Variants in CA7 observed in about 807,000 individuals in gnomAD.
CA7 encodes the protein carbonic anhydrase 7.
Under a neutral mutation model 31.4 loss-of-function variants are expected in CA7, and 13 were observed. The observed-to-expected ratio is 0.41, with a 90% confidence interval of 0.27 to 0.66. The LOEUF is 0.66. CA7 is among the 30% of genes least tolerant of loss of function. CA7 has a pLI of 0.28. For missense variants in CA7, 215 were observed against 351.0 expected (o/e 0.61, Z 3.10); for synonymous variants, 128 against 133.2 (o/e 0.96, Z 0.27).
intron 3 of CA7, 88 bp from the exon 4 acceptor site, chr16:66,851,375 A>G (rs1395927108): frequency 7.5e-6 from 8 of 1,073,572 alleles, no homozygotes; most frequent in Non-Finnish European, 1.2e-5. Flanking sequence ...CAAAGAGGCC[A>G]GGGGTCTGGT....
At position 66,853,842 on chromosome 16, in the gene CA7, C is replaced by T; in HGVS notation, c.*344C>T. On this transcript the variant is annotated 3_prime_UTR_variant, in exon 7 of 7. Transcript: ENST00000338437. This position sits in a 1 kb window ranked among gnomAD's most constrained non-coding sequence, Gnocchi z 4.5. ...ACACTGTGATGGAGGAGACTGAGCTCCCTGGGGCGGGCAGCTGACACTACC... is the reference window on the plus strand; with the variant it reads ...ACACTGTGATGGAGGAGACTGAGCTTCCTGGGGCGGGCAGCTGACACTACC... 1 of 254,036 alleles carries T rather than the reference C, an allele frequency of 3.9e-6. No homozygotes were observed. Among genetic ancestry groups the T allele is most frequent in the Non-Finnish European group, 7.7e-6 (1 of 130,572 alleles). The allele number at this position is 254,036 out of a possible 1,614,324, so 15.7% of individuals were successfully genotyped here.
At chr16:66,847,845 T>C (rs1960960705) in intron 2 of CA7, among the ~76,000 whole-genome samples, 1 of 152,194 alleles carries the variant, frequency 6.6e-6, no homozygotes, top group Admixed American at 6.5e-5. Flanking sequence ...TGGGAATTCG[T>C]GGCAGCTCCT....
chr16:66,853,591 G>A lies in CA7; in HGVS notation c.*93G>A. The A allele has an allele frequency of 6.6e-7, 1 of 1,521,874 alleles. No individual in the cohort carries two copies. Among genetic ancestry groups the A allele is most frequent in the Non-Finnish European group, 8.9e-7 (1 of 1,123,772 alleles). The allele number at this position is 1,521,874 out of a possible 1,614,324, so 94.3% of individuals were successfully genotyped here. A position where few individuals can be genotyped will look rare whatever the true frequency, so the allele number is the denominator to read the frequency against. ...AAACCATCTGAGGCTTCCTCCCTGG[G>A]GGGTGCTGGGGACCCTCCTTCAGCC... On this transcript the variant is annotated 3_prime_UTR_variant, in exon 7 of 7. Transcript: ENST00000338437. The surrounding 1 kb of genome is among the most constrained non-coding windows in gnomAD (Gnocchi z 4.5).
chr16:66,845,239 G>C (rs1416589810), intron 1 of CA7: 1 of 985,396 alleles, frequency 1.0e-6, no homozygotes, highest in Non-Finnish European at 1.2e-6. Context: ...CAGAAGGTGA[G>C]AGCCAGACGG....
rs376713850 is a variant in CA7, at chr16:66,850,656, C to T, written c.354C>T (p.Ser118=). Residue 118 remains serine (S), a synonymous_variant, in exon 3 of 7, where the codon AGC becomes AGT. Transcript: ENST00000338437. ...EHTVDGKSFP[S]ELHLVHWNAK... The stretch of plus-strand genomic sequence containing the variant: ...CGGTGGACGGCAAGTCCTTCCCCAG[C>T]GAGGTACGGGCCCTCCTCCACTTGA... 48 of 1,599,052 alleles carry T rather than the reference C, an allele frequency of 3.0e-5. No homozygotes were observed. The highest frequency in any genetic ancestry group is 1.6e-4 in the Middle Eastern group (1 of 6,066).
intron 2 of CA7, among the ~76,000 whole-genome samples, chr16:66,848,960 G>T (rs1960982829): frequency 6.6e-6 from 1 of 152,150 alleles, no homozygotes; most frequent in Admixed American, 6.5e-5. Flanking sequence ...CCCAGGTCTT[G>T]CCTCTTTGAT....
intron 5 of CA7, 38 bp from the exon 6 acceptor site, chr16:66,852,674 G>T (rs1961088979): frequency 6.3e-7 from 1 of 1,578,580 alleles, no homozygotes; most frequent in Non-Finnish European, 8.6e-7. Context: ...CCAGTGGGAG[G>T]TCTATGCTGA....
rs1333875888 is a variant in CA7 at position 66,850,596 on chromosome 16, C to T, written c.294C>T (p.His98=). Residue 98 remains histidine, a synonymous_variant, in exon 3 of 7, where the codon CAC becomes CAT. Transcript: ENST00000338437. Reference sequence around the variant, plus strand: ...ACCGCCTCAAGCAGTTTCACTTCCACTGGGGCAAGAAGCACGATGTGGGTT... The same window carrying T: ...ACCGCCTCAAGCAGTTTCACTTCCATTGGGGCAAGAAGCACGATGTGGGTT... ...GPYRLKQFHF[H]WGKKHDVGSE... 1.9e-6 allele frequency: 3 copies of T among 1,614,046 alleles called. No individual in the cohort carries two copies. Among genetic ancestry groups the T allele is most frequent in the African/African-American group, 1.3e-5 (1 of 74,936 alleles).
intron 3 of CA7, 102 bp downstream of exon 3, chr16:66,850,761 G>A: frequency 1.2e-6 from 1 of 830,994 alleles, no homozygotes; most frequent in South Asian, 1.4e-5. Context: ...CTTGGAGAGG[G>A]GGAAGAGGAG....
At position 66,845,606 on chromosome 16, in the gene CA7, C is replaced by T. The variant is rs1226677349; in HGVS notation, c.40+1079C>T. 2.0e-5 allele frequency among the ~76,000 whole-genome samples: 3 copies of T among 152,162 alleles called. No homozygotes were observed. In the East Asian group the frequency reaches 5.8e-4, roughly 29 times the overall value. On this transcript the variant is annotated intron_variant, in intron 1 of 6. Coordinates refer to ENST00000338437, the MANE Select transcript of CA7 (RefSeq NM_005182.3). ...TATGCAAGAGCTGGAAAGAGACATT[C>T]AGAAAAAGATGATATAGACAAGCAG... is the stretch of plus-strand genomic sequence containing the variant.
chr16:66,853,352 G>A lies in CA7; in HGVS notation c.673-24G>A. 1.9e-6 allele frequency: 3 copies of A among 1,613,990 alleles called. No individual in the cohort carries two copies. Among genetic ancestry groups the A allele is most frequent in the Non-Finnish European group, 2.5e-6 (3 of 1,179,932 alleles). ...GACCACAGCACCCCCAATCTGCCCT[G>A]AGCATTCCTTCTGCTTCCTCAAGAT... On this transcript the variant is annotated intron_variant, in intron 6 of 6. Coordinates refer to ENST00000338437, the MANE Select transcript of CA7 (RefSeq NM_005182.3). This position sits in a 1 kb window ranked among gnomAD's most constrained non-coding sequence, Gnocchi z 4.5.
chr16:66,845,247 C>T, intron 1 of CA7: 1 of 985,072 alleles, frequency 1.0e-6, no homozygotes, highest in Non-Finnish European at 1.2e-6. Flanking sequence ...GAGAGCCAGA[C>T]GGCTGGAGTG....
At chr16:66,846,953 T>A (rs1316540588) in intron 1 of CA7, 77 bp from the exon 2 acceptor site, 19 of 1,231,476 alleles carry the variant, frequency 1.5e-5, no homozygotes, top group Non-Finnish European at 2.0e-5. Flanking sequence ...GAAGAGACCA[T>A]TCCCCTATGG....
chr16:66,848,471 T>C (rs1292504724), intron 2 of CA7, among the ~76,000 whole-genome samples: 1 of 151,912 alleles, frequency 6.6e-6, no homozygotes, highest in African/African-American at 2.4e-5. Context: ...GCCACTGGGG[T>C]GGGAGAAGAC....
intron 4 of CA7, 43 bp from the exon 5 acceptor site, chr16:66,851,621 G>A: frequency 6.2e-7 from 1 of 1,613,348 alleles, no homozygotes; most frequent in Non-Finnish European, 8.5e-7. Flanking sequence ...CCTAGTTCTA[G>A]AACACAGTGG....
At position 66,853,264 on chromosome 16, in the gene CA7, G is replaced by A; in HGVS notation, c.673-112G>A. 1 of 1,331,410 alleles carries A rather than the reference G, an allele frequency of 7.5e-7. No individual in the cohort carries two copies. Among genetic ancestry groups the A allele is most frequent in the Non-Finnish European group, 1.1e-6 (1 of 943,430 alleles). 82.5% of individuals were successfully genotyped at this position (1,331,410 alleles called of 1,614,324 possible). ...AGAGTAGGGACAGACCCTAAGGGAA[G>A]GAGGAGGGAGGGGTAGAGCTGGCTG... On this transcript the variant is annotated intron_variant, in intron 6 of 6. Transcript: ENST00000338437. The surrounding 1 kb of genome is among the most constrained non-coding windows in gnomAD (Gnocchi z 4.5).
At chr16:66,845,318 G>A in intron 1 of CA7, 1 of 783,250 alleles carries the variant, frequency 1.3e-6, no homozygotes, top group South Asian at 5.8e-5. Flanking sequence ...GTGGGGGTGT[G>A]GGGTAAGGGG....
At chr16:66,851,888 G>A (rs1324113403) in intron 5 of CA7, among the ~76,000 whole-genome samples, 162 bp downstream of exon 5, 1 of 152,152 alleles carries the variant, frequency 6.6e-6, no homozygotes, top group Non-Finnish European at 1.5e-5. Context: ...CCTCATCGGG[G>A]TCAGCAGCCC....
At chr16:66,851,196 C>T (rs1300825545) in intron 3 of CA7, among the ~76,000 whole-genome samples, 1 of 152,234 alleles carries the variant, frequency 6.6e-6, no homozygotes, top group Non-Finnish European at 1.5e-5. Context: ...ATCGATTTCA[C>T]AGCTCGTTCC....
Sources: gnomAD v4.1 joint callset for allele counts (sites outside exome capture counted in the v4.1 genomes callset) on GRCh38, gnomAD v4.1.1 for gene constraint, Gnocchi (gnomAD v3.1) non-coding constraint, MANE v1.5 for transcripts, NCBI Gene and HGNC (gene_info 2026-07-23, HGNC 2026-07-21) for gene names.